The following CTNND2 variants were observed in gnomAD, a reference collection of about 807,000 sequenced individuals.
CTNND2 encodes catenin delta-2.
CTNND2 carries 22 observed loss-of-function variants against 144.4 expected under a neutral mutation model. The observed-to-expected ratio is 0.15, with a 90% CI of 0.11 to 0.22. CTNND2 has a LOEUF of 0.22. CTNND2 is among the 10% of genes least tolerant of loss of function. The pLI is 1.00. For missense variants in CTNND2, 1,353 were observed against 1,618.8 expected, an observed-to-expected ratio of 0.84 and a Z score of 2.82; for synonymous variants, 751 against 695.6, an observed-to-expected ratio of 1.08 and a Z score of -1.25.
chr5:11,308,223 A>AATT, intron 9 of CTNND2, among the ~76,000 whole-genome samples: 1 of 145,696 alleles, frequency 6.9e-6, no homozygotes, highest in African/African-American at 2.8e-5. Context: ...GATTATAATT[A>AATT]CTTTTTTTTT....
At chr5:11,570,723 A>G (rs1328850340) in intron 2 of CTNND2, among the ~76,000 whole-genome samples, 2 of 151,684 alleles carry the variant, frequency 1.3e-5, no homozygotes, top group Non-Finnish European at 2.9e-5. Context: ...ATATACCTCT[A>G]TTTTTAGACA....
At chr5:11,509,760 T>A (rs1409056234) in intron 3 of CTNND2, among the ~76,000 whole-genome samples, 6 of 152,194 alleles carry the variant, frequency 3.9e-5, no homozygotes, top group Non-Finnish European at 8.8e-5. Flanking sequence ...GAAATGTGGT[T>A]AAATTTTAAC....
intron 2 of CTNND2, among the ~76,000 whole-genome samples, chr5:11,610,607 T>C (rs1416885595): frequency 1.3e-5 from 2 of 152,210 alleles, no homozygotes; most frequent in Non-Finnish European, 2.9e-5. Context: ...GGGTTCTAGT[T>C]GGTAGTTTAC....
At chr5:11,689,033 G>A (rs1479070699) in intron 2 of CTNND2, among the ~76,000 whole-genome samples, 1 of 152,148 alleles carries the variant, frequency 6.6e-6, no homozygotes, top group Non-Finnish European at 1.5e-5. Flanking sequence ...AGTTACTACT[G>A]GTAGTGCCTA....
chr5:11,724,904 CA>C, intron 2 of CTNND2, among the ~76,000 whole-genome samples: 1 of 139,938 alleles, frequency 7.1e-6, no homozygotes, highest in Middle Eastern at 3.5e-3. Flanking sequence ...GATTACCTGT[CA>C]AAAGTGATTT....
chr5:11,385,053 C>G lies in CTNND2; in HGVS notation c.789G>C (p.Pro263=). 1 of 1,111,436 alleles carries G rather than the reference C, an allele frequency of 9.0e-7. No homozygotes were observed. Among genetic ancestry groups the G allele is most frequent in the Non-Finnish European group, 1.1e-6 (1 of 916,722 alleles). The allele number at this position is 1,111,436 out of a possible 1,614,324, so 68.8% of individuals were successfully genotyped here. The change falls in exon 7 of 22, where the codon CCG becomes CCC. Residue 263 remains proline, a synonymous_variant. Coordinates refer to ENST00000304623, the MANE Select transcript of CTNND2 (RefSeq NM_001332.4). ...GCGCGGCCAGCGGGGAGCCCCCGCG[C>G]GGCGGCGCGGGCAGCGTGGAGCTGG... ...YYSSSTLPAP[P]RGGSPLAAPQ... is the part of the protein sequence containing the mutation.
chr5:11,817,698 GCT>G (rs940399402), intron 1 of CTNND2, among the ~76,000 whole-genome samples: 1 of 152,064 alleles, frequency 6.6e-6, no homozygotes, highest in African/African-American at 2.4e-5. Flanking sequence ...GCATCTCCAC[GCT>G]CTGTCTCCAC....
At chr5:11,098,079 C>T (rs1470757142) in intron 15 of CTNND2, among the ~76,000 whole-genome samples, 1 of 152,234 alleles carries the variant, frequency 6.6e-6, no homozygotes, top group East Asian at 1.9e-4. Flanking sequence ...CCAAAGTCAA[C>T]TAACAATACT....
intron 10 of CTNND2, among the ~76,000 whole-genome samples, chr5:11,210,280 C>G (rs1050718887): frequency 1.3e-5 from 2 of 152,140 alleles, no homozygotes; most frequent in African/African-American, 4.8e-5. Flanking sequence ...CACCTGTAAT[C>G]CCAGCTACTC....
intron 6 of CTNND2, among the ~76,000 whole-genome samples, chr5:11,389,489 G>GGT (rs35535538): frequency 0.35 from 53,636 of 151,448 alleles, 10,624 homozygotes; most frequent in East Asian, 0.51. Flanking sequence ...TACATTACAT[G>GGT]GTGTGTGTGT....
chr5:11,196,836 G>T (rs61751792), intron 11 of CTNND2, among the ~76,000 whole-genome samples: 2,188 of 152,302 alleles, frequency 0.014, 49 homozygotes, highest in Admixed American at 0.049. Flanking sequence ...GCACTGTGTG[G>T]TCAACTGAGG....
chr5:11,793,361 T>C (rs541575863), intron 1 of CTNND2, among the ~76,000 whole-genome samples: 30 of 152,322 alleles, frequency 2.0e-4, no homozygotes, highest in African/African-American at 4.8e-4. Flanking sequence ...CACAGTATTA[T>C]TGGTTACAGG....
chr5:10,989,684 T>A (rs61751695), intron 19 of CTNND2, among the ~76,000 whole-genome samples: 2 of 152,280 alleles, frequency 1.3e-5, no homozygotes, highest in Non-Finnish European at 2.9e-5. Flanking sequence ...CACCCTTATA[T>A]CTTCTATGTA....
chr5:11,588,905 G>C, intron 2 of CTNND2: 2 of 985,340 alleles, frequency 2.0e-6, no homozygotes, highest in South Asian at 4.7e-5. Flanking sequence ...CCTGCACCAC[G>C]GCTAAAAGGA....
At chr5:11,303,178 T>A (rs2150036325) in intron 9 of CTNND2, among the ~76,000 whole-genome samples, 1 of 152,358 alleles carries the variant, frequency 6.6e-6, no homozygotes, top group Non-Finnish European at 1.5e-5. Flanking sequence ...TGGCAGCTTC[T>A]CGAAAATACA....
intron 6 of CTNND2, among the ~76,000 whole-genome samples, chr5:11,389,194 T>C (rs1365290664): frequency 6.6e-6 from 1 of 152,210 alleles, no homozygotes; most frequent in Non-Finnish European, 1.5e-5. Flanking sequence ...CAACTTTATT[T>C]GTCTTTCCCA....
At position 11,126,365 on chromosome 5, in the gene CTNND2, C is replaced by T. The variant is rs566988599; in HGVS notation, c.2160-8798G>A. Among the ~76,000 whole-genome samples the T allele has an allele frequency of 9.6e-4, 146 of 152,222 alleles. 1 individual carries two copies. The highest frequency in any genetic ancestry group is 3.3e-3 in the African/African-American group (139 of 41,550). Reference sequence around the variant, plus strand: ...AATTAATACCCTGTTAATGAATATCCAGATTATTTCTAATTTTTTACTGTA... The same window carrying T: ...AATTAATACCCTGTTAATGAATATCTAGATTATTTCTAATTTTTTACTGTA... On this transcript the variant is annotated intron_variant, in intron 12 of 21. Transcript: ENST00000304623.
At chr5:11,185,097 C>T (rs959344476) in intron 11 of CTNND2, among the ~76,000 whole-genome samples, 2 of 152,222 alleles carry the variant, frequency 1.3e-5, no homozygotes, top group South Asian at 2.1e-4. Flanking sequence ...CTGTAACCTT[C>T]GTGGCCCATG....
At chr5:11,235,353 G>A (rs1376997814) in intron 10 of CTNND2, among the ~76,000 whole-genome samples, 1 of 152,142 alleles carries the variant, frequency 6.6e-6, no homozygotes, top group Non-Finnish European at 1.5e-5. Flanking sequence ...CCTTTATTTT[G>A]CATGGCCATT....
Sources: allele counts gnomAD v4.1 joint callset (sites outside exome capture counted in the v4.1 genomes callset), GRCh38; gene constraint gnomAD v4.1.1; transcripts MANE v1.5; gene names NCBI Gene and HGNC (gene_info 2026-07-23, HGNC 2026-07-21).